Variants in AGBL1 observed in about 807,000 individuals in gnomAD.
The protein encoded by AGBL1 is cytosolic carboxypeptidase 4.
A neutral mutation model predicts 118.9 loss-of-function variants in AGBL1; 130 were observed. The observed-to-expected ratio is 1.09, with a 90% confidence interval of 0.95 to 1.26. The LOEUF (loss-of-function observed/expected upper bound fraction) is 1.26. Ranked by LOEUF, AGBL1 falls within the 50% of genes most tolerant of loss-of-function variation. AGBL1 has a pLI of 0.00. For missense variants in AGBL1, 1,584 were observed against 1,298.1 expected, an observed-to-expected ratio of 1.22 and a Z score of -3.38; for synonymous variants, 555 against 478.9, an observed-to-expected ratio of 1.16 and a Z score of -2.08.
At chr15:86,321,363 ATCT>A (rs2080102299) in intron 17 of AGBL1, among the ~76,000 whole-genome samples, 1 of 152,110 alleles carries the variant, frequency 6.6e-6, no homozygotes, top group Non-Finnish European at 1.5e-5. Flanking sequence ...TTTCTATTTA[ATCT>A]GACTTTTAAC....
Position 86,912,555 on chromosome 15 carries a change from A to C in AGBL1, c.*5261A>C, listed in dbSNP as rs1053969057. ...AGAGCCACCAAGAATATTTGAAATT[A>C]ACCTGCTCCCTGAGTTACAAGCTCA... On this transcript the variant is annotated 3_prime_UTR_variant, in exon 23 of 23. Transcript: ENST00000614907. 6 of 152,080 alleles carry C rather than the reference A, an allele frequency of 3.9e-5. No homozygotes were observed. Among genetic ancestry groups the C allele is most frequent in the Non-Finnish European group, 8.8e-5 (6 of 68,036 alleles). The allele number at this position is 152,080 out of a possible 1,614,324, so 9.4% of individuals were successfully genotyped here.
chr15:86,636,736 T>C lies in AGBL1; in HGVS notation c.2995-37537T>C, dbSNP rs1169021317. 8.8e-3 allele frequency among the ~76,000 whole-genome samples: 478 copies of C among 54,472 alleles called. 43 individuals carry two copies. The highest frequency in any genetic ancestry group is 0.011 in the Non-Finnish European group (354 of 31,932). The allele number at this position is 54,472 out of a possible 152,430, so 35.7% of individuals were successfully genotyped here. ...ATATATATATATATATATATATATA[T>C]ATATATATATATATATATATATACA... On this transcript the variant is annotated intron_variant, in intron 21 of 22. Transcript: ENST00000614907.
Position 86,257,954 on chromosome 15 carries a change from C to A in AGBL1, c.902-10C>A. 1 of 1,611,670 alleles carries A rather than the reference C, an allele frequency of 6.2e-7. No homozygotes were observed. Among genetic ancestry groups the A allele is most frequent in the East Asian group, 2.2e-5 (1 of 44,842 alleles). Reference sequence around the variant, plus strand: ...AACTTCACTTATTTCACCTCTTTTTCCCCATCCAGAGGATTTTGAAGATGA... The same window carrying A: ...AACTTCACTTATTTCACCTCTTTTTACCCATCCAGAGGATTTTGAAGATGA... On this transcript the variant is annotated splice_polypyrimidine_tract_variant and intron_variant, in intron 8 of 22. Transcript: ENST00000614907.
chr15:86,957,533 A>T (rs1300290667), intron 23 of AGBL1, among the ~76,000 whole-genome samples: 2 of 151,746 alleles, frequency 1.3e-5, no homozygotes, highest in Non-Finnish European at 2.9e-5. Flanking sequence ...AATATATAAA[A>T]ATTAATCACA....
At chr15:86,399,519 G>T (rs2081414231) in intron 18 of AGBL1, among the ~76,000 whole-genome samples, 1 of 152,092 alleles carries the variant, frequency 6.6e-6, no homozygotes, top group Non-Finnish European at 1.5e-5. Flanking sequence ...CTTTTCTCCT[G>T]CCCTAGTCAG....
intron 24 of AGBL1, among the ~76,000 whole-genome samples, chr15:86,991,308 T>C (rs1048018962): frequency 6.6e-6 from 1 of 151,948 alleles, no homozygotes; most frequent in East Asian, 1.9e-4. Context: ...TATTTTTTTC[T>C]TGCATAAAAC....
intron 22 of AGBL1, among the ~76,000 whole-genome samples, chr15:86,686,681 C>T (rs1489665909): frequency 1.3e-5 from 2 of 152,090 alleles, no homozygotes; most frequent in Non-Finnish European, 2.9e-5. Context: ...TCGTGATCTG[C>T]CTGCCTTGGC....
rs76843213 is a variant in AGBL1 at position 86,095,464 on chromosome 15, A to G, written c.51+15441A>G. Among the ~76,000 whole-genome samples the G allele has an allele frequency of 3.1e-3, 464 of 151,968 alleles. 16 individuals carry two copies. In the South Asian group the frequency reaches 0.066, roughly 22 times the overall value. The stretch of plus-strand genomic sequence containing the variant: ...TAGCATACAAAAAGACACTCTTAGC[A>G]CTCTGGAGATTCCAAGGGTCTTAGA... On this transcript the variant is annotated intron_variant, in intron 1 of 22. Transcript: ENST00000614907.
At chr15:86,190,482 T>A (rs72752107) in intron 5 of AGBL1, among the ~76,000 whole-genome samples, 17,632 of 152,188 alleles carry the variant, frequency 0.12, 1,314 homozygotes, top group Middle Eastern at 0.21. Context: ...TATAATTTTT[T>A]AAAAATTATT....
At chr15:86,563,730 G>C (rs541269996) in intron 21 of AGBL1, among the ~76,000 whole-genome samples, 5 of 152,090 alleles carry the variant, frequency 3.3e-5, no homozygotes, top group Admixed American at 3.3e-4. Flanking sequence ...TGACAGTGGG[G>C]TGTTAAAGTC....
At chr15:87,017,234 A>G (rs376865439) in intron 24 of AGBL1, among the ~76,000 whole-genome samples, 2 of 152,078 alleles carry the variant, frequency 1.3e-5, no homozygotes, top group East Asian at 3.9e-4. Flanking sequence ...GACAGTCCAG[A>G]TGAGGAAGGG....
At chr15:86,480,519 A>G (rs1412802745) in intron 18 of AGBL1, among the ~76,000 whole-genome samples, 4 of 152,120 alleles carry the variant, frequency 2.6e-5, no homozygotes, top group Non-Finnish European at 5.9e-5. Flanking sequence ...TATTTTATAA[A>G]CATTCATTGA....
intron 21 of AGBL1, among the ~76,000 whole-genome samples, chr15:86,573,871 G>A (rs577479071): frequency 6.6e-6 from 1 of 152,232 alleles, no homozygotes; most frequent in Admixed American, 6.5e-5. Flanking sequence ...TAATTATTTT[G>A]TTCCAAATGA....
intron 5 of AGBL1, among the ~76,000 whole-genome samples, chr15:86,208,413 AC>A (rs200926579): frequency 0.013 from 1,943 of 152,162 alleles, 25 homozygotes; most frequent in East Asian, 0.072. Context: ...TCCTCTTTGT[AC>A]CTCTGGTAGA....
intron 21 of AGBL1, among the ~76,000 whole-genome samples, chr15:86,650,778 T>C (rs1407715145): frequency 2.6e-5 from 4 of 152,216 alleles, no homozygotes; most frequent in Admixed American, 6.5e-5. Context: ...GAGGCTTCTT[T>C]CCCGAGCTCC....
At position 86,465,872 on chromosome 15, in the gene AGBL1, CT is replaced by C. The variant is rs978386658; in HGVS notation, c.2556-56936del. ...TGTGATCTCACTCTGCCTCTCTGCCCTTGTGATATTTTATTGCCTTTGAAGC... is the reference window on the plus strand; with the variant it reads ...TGTGATCTCACTCTGCCTCTCTGCCCTGTGATATTTTATTGCCTTTGAAGC... On this transcript the variant is annotated intron_variant, in intron 18 of 22. Transcript: ENST00000614907. Among the ~76,000 whole-genome samples the C allele has an allele frequency of 1.7e-4, 26 of 152,262 alleles. No individual in the cohort carries two copies. In the East Asian group the frequency reaches 4.8e-3, roughly 28 times the overall value.
chr15:86,181,256 G>A (rs1022946708), intron 5 of AGBL1, among the ~76,000 whole-genome samples: 19 of 152,050 alleles, frequency 1.2e-4, no homozygotes, highest in African/African-American at 4.6e-4. Flanking sequence ...ATAGCCGAAA[G>A]CTGGAAACAA....
chr15:86,155,819 A>T (rs377578516), intron 4 of AGBL1, among the ~76,000 whole-genome samples: 1 of 152,228 alleles, frequency 6.6e-6, no homozygotes, highest in South Asian at 2.1e-4. Flanking sequence ...AGTAGTAATA[A>T]TGATTACCAT....
Position 86,737,367 on chromosome 15 carries a change from T to A in AGBL1, c.3158+62931T>A, listed in dbSNP as rs28733808. On this transcript the variant is annotated intron_variant, in intron 22 of 22. Transcript: ENST00000614907. ...CCTTGTTCAATGAGAGCCATAACAA[T>A]GGTGATTTATTCCAGGTGTCTTAAG... is the stretch of plus-strand genomic sequence containing the variant. 5.0e-3 allele frequency among the ~76,000 whole-genome samples: 769 copies of A among 152,324 alleles called. 8 individuals are homozygous for A. The highest frequency in any genetic ancestry group is 0.017 in the African/African-American group (725 of 41,574).
Sources: gnomAD v4.1 joint callset for allele counts (sites outside exome capture counted in the v4.1 genomes callset) on GRCh38, gnomAD v4.1.1 for gene constraint, MANE v1.5 for transcripts, NCBI Gene and HGNC (gene_info 2026-07-23, HGNC 2026-07-21) for gene names.